Variants in AFF3 observed in about 807,000 individuals in gnomAD.
AFF3 encodes ALF transcription elongation factor 3.
In AFF3, 32 loss-of-function variants were observed where a neutral mutation model predicts 129.7. That is an observed-to-expected ratio of 0.25 (90% CI 0.19 to 0.33). The LOEUF (loss-of-function observed/expected upper bound fraction) is 0.33. Among genes scored for constraint, AFF3 ranks in the 10% least tolerant of loss-of-function variants. AFF3 has a pLI of 1.00. For synonymous variants in AFF3, 644 were observed against 635.4 expected, an observed-to-expected ratio of 1.01 and a Z score of -0.20; for missense variants, 1,373 against 1,592.0, an observed-to-expected ratio of 0.86 and a Z score of 2.34.
intron 7 of AFF3, among the ~76,000 whole-genome samples, chr2:99,896,768 T>TG (rs1307323015): frequency 6.6e-6 from 1 of 151,444 alleles, no homozygotes; most frequent in Non-Finnish European, 1.5e-5. Context: ...CCCCACTAGC[T>TG]GGGACTACAG....
intron 13 of AFF3, among the ~76,000 whole-genome samples, chr2:99,648,917 A>ACACTCTCTCT: frequency 2.6e-4 from 12 of 46,874 alleles, no homozygotes; most frequent in Non-Finnish European, 5.5e-4. Flanking sequence ...ACACACACAC[A>ACACTCTCTCT]CTCTCTCTCT....
chr2:99,743,782 C>A (rs986811930), intron 10 of AFF3, among the ~76,000 whole-genome samples: 3 of 152,110 alleles, frequency 2.0e-5, no homozygotes, highest in Admixed American at 2.0e-4. Flanking sequence ...TTTAGACAAC[C>A]AATTATGTGC....
rs548214117 is a variant in AFF3 at position 100,070,667 on chromosome 2, G to A, written c.53+33735C>T. On this transcript the variant is annotated intron_variant, in intron 4 of 24. Transcript: ENST00000672756. ...TCTTAACAGTACATGATAATTTTAG[G>A]AAGGCATTAGCTTCATTTCCAACTG... Among the ~76,000 whole-genome samples, 86 of 152,130 alleles carry A rather than the reference G, an allele frequency of 5.7e-4. 1 individual carries two copies. The South Asian group carries it at 0.018, about 31-fold the overall frequency.
chr2:99,758,051 C>T (rs1682268224), intron 8 of AFF3, among the ~76,000 whole-genome samples: 1 of 152,214 alleles, frequency 6.6e-6, no homozygotes. Context: ...AGAATGGGTG[C>T]TCACTTCATT....
intron 7 of AFF3, among the ~76,000 whole-genome samples, chr2:99,906,564 A>C (rs1694730908): frequency 6.6e-6 from 1 of 152,122 alleles, no homozygotes; most frequent in Non-Finnish European, 1.5e-5. Flanking sequence ...AACAATAATA[A>C]AAAAAAGTCT....
At chr2:99,923,679 A>G (rs563809008) in intron 7 of AFF3, among the ~76,000 whole-genome samples, 1 of 152,262 alleles carries the variant, frequency 6.6e-6, no homozygotes, top group South Asian at 2.1e-4. Flanking sequence ...TTTCCAATAA[A>G]AATTCAATTT....
At chr2:99,709,031 G>C (rs537922956) in intron 11 of AFF3, among the ~76,000 whole-genome samples, 4 of 152,188 alleles carry the variant, frequency 2.6e-5, no homozygotes, top group Non-Finnish European at 5.9e-5. Context: ...AGGGGGTAAA[G>C]GGAGAAAGTA....
rs1451151356 is a variant in AFF3 at position 99,547,035 on chromosome 2, G to C, written c.*4439C>G. ...AATAGTAAACTATAGTTATAATGAA[G>C]AAAAACATACTTCTTTTCCATGAAA... On this transcript the variant is annotated 3_prime_UTR_variant, in exon 25 of 25. Coordinates refer to ENST00000672756, the MANE Select transcript of AFF3 (RefSeq NM_001386135.1). 2.7e-5 allele frequency: 6 copies of C among 218,956 alleles called. No homozygotes were observed. The highest frequency in any genetic ancestry group is 1.3e-4 in the African/African-American group (6 of 44,500). 13.6% of individuals were successfully genotyped at this position (218,956 alleles called of 1,614,324 possible).
At chr2:99,652,750 G>A (rs1432079275) in intron 12 of AFF3, among the ~76,000 whole-genome samples, 1 of 152,136 alleles carries the variant, frequency 6.6e-6, no homozygotes, top group East Asian at 1.9e-4. Flanking sequence ...GAAAGAGACA[G>A]TCAGTCCGTG....
intron 4 of AFF3, among the ~76,000 whole-genome samples, chr2:100,066,264 A>G (rs1156290026): frequency 6.6e-6 from 1 of 152,242 alleles, no homozygotes; most frequent in African/African-American, 2.4e-5. Flanking sequence ...GCTGAATTCT[A>G]AAACTTCCAT....
intron 7 of AFF3, among the ~76,000 whole-genome samples, chr2:99,849,358 G>T (rs1398884417): frequency 6.6e-6 from 1 of 152,112 alleles, no homozygotes; most frequent in Non-Finnish European, 1.5e-5. Flanking sequence ...CCTAAGATAG[G>T]ATCCTCAAAT....
At position 99,924,243 on chromosome 2, in the gene AFF3, T is replaced by A. The variant is rs774880762; in HGVS notation, c.873+82389A>T. ...ATGATCCCTGTTGTGGGGGGTTAAA[T>A]TATTTTGGAAAACAAATAAAAAACA... On this transcript the variant is annotated intron_variant, in intron 7 of 24. Coordinates refer to ENST00000672756, the MANE Select transcript of AFF3 (RefSeq NM_001386135.1). Among the ~76,000 whole-genome samples the A allele has an allele frequency of 3.3e-4, 50 of 152,302 alleles. No individual in the cohort carries two copies. In the Middle Eastern group the frequency reaches 0.01, roughly 31 times the overall value.
rs182880463 is a variant in AFF3 at position 99,647,958 on chromosome 2, T to C, written c.1184+1668A>G. On this transcript the variant is annotated intron_variant, in intron 13 of 24. Coordinates refer to ENST00000672756, the MANE Select transcript of AFF3 (RefSeq NM_001386135.1). ...TTAACATCCATGGACATTTTCTCTT[T>C]AGGACAAAGTTGTATATGTTTTGGG... is the stretch of plus-strand genomic sequence containing the variant. Among the ~76,000 whole-genome samples, 766 of 152,334 alleles carry C rather than the reference T, an allele frequency of 5.0e-3. 22 individuals carry two copies. The highest frequency in any genetic ancestry group is 0.045 in the Admixed American group (681 of 15,302).
At chr2:99,562,340 T>G (rs1215733575) in intron 20 of AFF3, among the ~76,000 whole-genome samples, 1 of 152,208 alleles carries the variant, frequency 6.6e-6, no homozygotes, top group Admixed American at 6.5e-5. Flanking sequence ...GTTCATTTAA[T>G]TTTTTCAGTC....
intron 17 of AFF3, among the ~76,000 whole-genome samples, chr2:99,582,208 G>A (rs1296757127): frequency 6.6e-6 from 1 of 152,100 alleles, no homozygotes; most frequent in East Asian, 1.9e-4. Flanking sequence ...CATTTTGCAG[G>A]TAAAGAAACA....
intron 14 of AFF3, among the ~76,000 whole-genome samples, chr2:99,597,845 C>T (rs1679441793): frequency 6.6e-6 from 1 of 152,218 alleles, no homozygotes; most frequent in Admixed American, 6.5e-5. Flanking sequence ...CCATGACTCT[C>T]CTCCCTAATT....
chr2:100,055,820 GCCATTTTGCC>G (rs1322770144), intron 4 of AFF3, among the ~76,000 whole-genome samples: 1 of 152,014 alleles, frequency 6.6e-6, no homozygotes, highest in East Asian at 1.9e-4. Flanking sequence ...CAAGCAACAG[GCCATTTTGCC>G]CCAGAAGCTA....
chr2:99,547,575 A>G lies in AFF3; in HGVS notation c.*3899T>C. On this transcript the variant is annotated 3_prime_UTR_variant, in exon 25 of 25. Transcript: ENST00000672756. ...AAATGTTATTTAAAAATATATATGT[A>G]TATGCTACTGCACAGTTTCAAAGAT... 1 of 203,436 alleles carries G rather than the reference A, an allele frequency of 4.9e-6. No individual in the cohort carries two copies. The highest frequency in any genetic ancestry group is 1.0e-5 in the Non-Finnish European group (1 of 99,184). The allele number at this position is 203,436 out of a possible 1,614,324, so 12.6% of individuals were successfully genotyped here.
intron 8 of AFF3, among the ~76,000 whole-genome samples, chr2:99,768,872 G>A (rs560145162): frequency 6.6e-6 from 1 of 152,170 alleles, no homozygotes; most frequent in African/African-American, 2.4e-5. Context: ...CAGATGTACT[G>A]GAGCACCATA....
Sources: allele counts gnomAD v4.1 joint callset (sites outside exome capture counted in the v4.1 genomes callset), GRCh38; gene constraint gnomAD v4.1.1; transcripts MANE v1.5; gene names NCBI Gene and HGNC (gene_info 2026-07-23, HGNC 2026-07-21).